The following DOCK1 variants were observed in gnomAD, a reference collection of about 807,000 sequenced individuals.
The protein encoded by DOCK1 is dedicator of cytokinesis protein 1.
DOCK1 carries 138 observed loss-of-function variants against 262.7 expected under a neutral mutation model. That is an observed-to-expected ratio of 0.53 (90% CI 0.46 to 0.61). The LOEUF (loss-of-function observed/expected upper bound fraction) is 0.61. Ranked by LOEUF, DOCK1 falls within the 20% of genes least tolerant of loss-of-function variation. The probability of loss-of-function intolerance (pLI) is 0.00; values close to 1 mark genes in which losing one functional copy is unlikely to be tolerated. For synonymous variants in DOCK1, 866 were observed against 867.4 expected (o/e 1.00, Z 0.03); for missense variants, 1,908 against 2,370.7 (o/e 0.80, Z 4.05).
intron 32 of DOCK1, among the ~76,000 whole-genome samples, chr10:127,358,034 G>A (rs1305032639): frequency 1.3e-5 from 2 of 151,716 alleles, no homozygotes; most frequent in Non-Finnish European, 2.9e-5. Context: ...TTGTAAATGG[G>A]TGCAGGTTTG....
intron 47 of DOCK1, among the ~76,000 whole-genome samples, chr10:127,427,020 T>A (rs751826884): frequency 7.2e-5 from 11 of 152,110 alleles, no homozygotes; most frequent in Admixed American, 1.3e-4. Context: ...CCATCTTTAC[T>A]CAGTCTCTGG....
intron 5 of DOCK1, among the ~76,000 whole-genome samples, chr10:126,989,100 G>A (rs2039617892): frequency 6.8e-6 from 1 of 147,826 alleles, no homozygotes; most frequent in African/African-American, 2.5e-5. Flanking sequence ...GCATTTTTTT[G>A]CTGCACATTG....
chr10:127,301,357 C>T (rs1430946782), intron 29 of DOCK1, among the ~76,000 whole-genome samples: 1 of 152,168 alleles, frequency 6.6e-6, no homozygotes, highest in East Asian at 1.9e-4. Flanking sequence ...GAGCTGCTAA[C>T]CCTGTGTATT....
chr10:127,318,080 A>G (rs576622166), intron 29 of DOCK1, among the ~76,000 whole-genome samples: 72 of 152,322 alleles, frequency 4.7e-4, no homozygotes, highest in Admixed American at 9.1e-4. Context: ...AGAAATGTAC[A>G]TAAGGACACA....
rs148731512 is a variant in DOCK1, at chr10:127,326,213, A to T, written c.3045-12793A>T. On this transcript the variant is annotated intron_variant, in intron 29 of 51. Coordinates refer to ENST00000623213, the MANE Select transcript of DOCK1 (RefSeq NM_001290223.2). The stretch of plus-strand genomic sequence containing the variant: ...AAATAAGGCAACAGTGAAATTTGCC[A>T]CATCATTTGATGCTTCCTTTCACTC... 2.3e-4 allele frequency among the ~76,000 whole-genome samples: 35 copies of T among 152,326 alleles called. No homozygotes were observed. The East Asian group carries it at 3.3e-3, about 14-fold the overall frequency.
intron 40 of DOCK1, among the ~76,000 whole-genome samples, chr10:127,404,688 A>G (rs1318851615): frequency 1.3e-5 from 2 of 152,230 alleles, no homozygotes; most frequent in African/African-American, 4.8e-5. Context: ...TTGAGGTGTG[A>G]TATATGATAT....
chr10:127,298,200 T>C (rs1288222416), intron 29 of DOCK1, among the ~76,000 whole-genome samples: 3 of 152,206 alleles, frequency 2.0e-5, no homozygotes, highest in African/African-American at 7.2e-5. Context: ...AAATCCTTAA[T>C]GTCCAAACAA....
At chr10:127,080,249 T>G (rs2046823145) in intron 23 of DOCK1, among the ~76,000 whole-genome samples, 1 of 152,164 alleles carries the variant, frequency 6.6e-6, no homozygotes, top group Non-Finnish European at 1.5e-5. Context: ...TTAGAACTGA[T>G]GGACTCCAAG....
intron 1 of DOCK1, among the ~76,000 whole-genome samples, chr10:126,944,584 C>T (rs1338685819): frequency 2.6e-5 from 4 of 151,878 alleles, no homozygotes; most frequent in Non-Finnish European, 4.4e-5. Context: ...ATGGAGGAGA[C>T]CGGGGAGCGG....
chr10:126,955,100 A>G (rs989131578), intron 1 of DOCK1, among the ~76,000 whole-genome samples: 1 of 152,136 alleles, frequency 6.6e-6, no homozygotes, highest in African/African-American at 2.4e-5. Flanking sequence ...CATCCTAATC[A>G]TCTCCAAATG....
At chr10:127,171,016 A>T (rs2054524616) in intron 27 of DOCK1, among the ~76,000 whole-genome samples, 1 of 152,236 alleles carries the variant, frequency 6.6e-6, no homozygotes, top group African/African-American at 2.4e-5. Context: ...TGCTCGTAAC[A>T]GGATATGTCC....
At chr10:127,418,233 C>T in intron 44 of DOCK1, 132 bp from the exon 45 acceptor site, 1 of 1,043,102 alleles carries the variant, frequency 9.6e-7, no homozygotes, top group Non-Finnish European at 1.3e-6. Flanking sequence ...CCCAGCCACC[C>T]AAAAATTCTG....
chr10:127,378,413 G>A (rs1027532428), intron 35 of DOCK1, among the ~76,000 whole-genome samples: 14 of 152,156 alleles, frequency 9.2e-5, no homozygotes, highest in Non-Finnish European at 1.5e-4. Flanking sequence ...TGGTGTGGGG[G>A]GACTTGAGAG....
Position 127,384,854 on chromosome 10 carries a change from G to T in DOCK1, c.3872G>T (p.Gly1291Val), listed in dbSNP as rs780721120. ...GACGGGTACCAGGCCACCACGCAGG[G>T]ACAGCTGAAGGAGCAGCTCTACCAG... ...QRDGYQATTQ[G>V]QLKEQLYQEI... is the part of the protein sequence containing the mutation. Residue 1291 changes from glycine (G) to valine (V), a missense_variant, in exon 38 of 52, where the codon GGA (glycine) becomes GTA (valine). Gly to Val is a moderately radical substitution (Grantham distance 109). Coordinates refer to ENST00000623213, the MANE Select transcript of DOCK1 (RefSeq NM_001290223.2). 1 of 1,609,474 alleles carries T rather than the reference G, an allele frequency of 6.2e-7. No individual in the cohort carries two copies. The highest frequency in any genetic ancestry group is 1.7e-5 in the Admixed American group (1 of 58,536).
chr10:126,981,893 T>C, intron 3 of DOCK1, 25 bp from the exon 4 acceptor site: 2 of 1,602,116 alleles, frequency 1.2e-6, no homozygotes. Context: ...TAATAAAAGC[T>C]ACTGTTTTTT....
chr10:127,177,503 C>T (rs1391102447), intron 27 of DOCK1, among the ~76,000 whole-genome samples: 1 of 152,232 alleles, frequency 6.6e-6, no homozygotes, highest in African/African-American at 2.4e-5. Flanking sequence ...CTTTTCCCCC[C>T]TTGTGTTTGA....
In DOCK1 at chr10:127,210,789, G is replaced by A. The variant is rs2057939929; in HGVS notation, c.2848-37219G>A. Reference sequence around the variant, plus strand: ...CTCATGAAGTTTAAAGCCTAATGCAGATCCTCTCCCTCCGCTGCATTGTTC... The same window carrying A: ...CTCATGAAGTTTAAAGCCTAATGCAAATCCTCTCCCTCCGCTGCATTGTTC... On this transcript the variant is annotated intron_variant, in intron 27 of 51. Coordinates refer to ENST00000623213, the MANE Select transcript of DOCK1 (RefSeq NM_001290223.2). Among the ~76,000 whole-genome samples the A allele has an allele frequency of 3.9e-5, 6 of 152,110 alleles. No individual in the cohort carries two copies. In the South Asian group the frequency reaches 1.2e-3, roughly 32 times the overall value.
Position 127,274,888 on chromosome 10 carries a change from C to T in DOCK1, c.3044+17459C>T, listed in dbSNP as rs549097872. On this transcript the variant is annotated intron_variant, in intron 29 of 51. Coordinates refer to ENST00000623213, the MANE Select transcript of DOCK1 (RefSeq NM_001290223.2). ...GTGGGGTAGGGTGTGCTTTGGAGGACCACAAGCAGAATAATATCTAAAATG... is the reference window on the plus strand; with the variant it reads ...GTGGGGTAGGGTGTGCTTTGGAGGATCACAAGCAGAATAATATCTAAAATG... Among the ~76,000 whole-genome samples the T allele has an allele frequency of 1.1e-4, 17 of 152,164 alleles. No homozygotes were observed. The South Asian group carries it at 3.5e-3, about 32-fold the overall frequency.
intron 29 of DOCK1, among the ~76,000 whole-genome samples, chr10:127,323,110 C>T (rs11017297): frequency 0.18 from 26,963 of 151,998 alleles, 2,587 homozygotes; most frequent in African/African-American, 0.26. Flanking sequence ...GGAAGCCTGC[C>T]CCTCCCCTGT....
Sources: allele counts gnomAD v4.1 joint callset (sites outside exome capture counted in the v4.1 genomes callset), GRCh38; gene constraint gnomAD v4.1.1; transcripts MANE v1.5; gene names NCBI Gene and HGNC (gene_info 2026-07-23, HGNC 2026-07-21).